WASF3: variants seen among roughly 807,000 people sequenced by gnomAD.
WASF3 encodes actin-binding protein WASF3.
In WASF3, 11 loss-of-function variants were observed where a neutral mutation model predicts 46.6. The ratio of observed to expected loss-of-function variants is 0.24; its 90% confidence interval spans 0.15 to 0.39. The LOEUF is 0.39. Among genes scored for constraint, WASF3 ranks in the 10% least tolerant of loss-of-function variants. The pLI, the probability that WASF3 is intolerant of heterozygous loss-of-function variation, is 1.00. For missense variants in WASF3, 576 were observed against 669.8 expected (o/e 0.86, Z 1.55); for synonymous variants, 242 against 259.7 (o/e 0.93, Z 0.65).
intron 3 of WASF3, among the ~76,000 whole-genome samples, chr13:26,661,797 G>A (rs1018651970): frequency 2.0e-5 from 3 of 151,134 alleles, no homozygotes; most frequent in Non-Finnish European, 3.0e-5. Flanking sequence ...TTTTTAAATA[G>A]TAGCATCCTA....
At chr13:26,660,609 G>A (rs1882602133) in intron 3 of WASF3, among the ~76,000 whole-genome samples, 1 of 152,122 alleles carries the variant, frequency 6.6e-6, no homozygotes, top group Admixed American at 6.5e-5. Context: ...GCTGCGAAGG[G>A]AGGAGAGTAA....
chr13:26,665,189 C>T, intron 4 of WASF3, 27 bp downstream of exon 4: 1 of 1,610,104 alleles, frequency 6.2e-7, no homozygotes, highest in Non-Finnish European at 8.5e-7. Context: ...AAGCAGTGAG[C>T]TAGAAGTGAT....
chr13:26,619,398 A>T (rs1309138143), intron 2 of WASF3: 1 of 152,182 alleles, frequency 6.6e-6, no homozygotes, highest in Non-Finnish European at 1.5e-5. Context: ...GAGGCTGGGT[A>T]TATATTCTAG....
rs761308925 is a variant in WASF3 at position 26,682,756 on chromosome 13, C to T, written c.1133C>T (p.Thr378Met). The T allele has an allele frequency of 9.9e-6, 16 of 1,613,162 alleles. No homozygotes were observed. The Admixed American group carries it at 1.0e-4, about 10-fold the overall frequency. Residue 378 changes from threonine (T) to methionine (M), a missense_variant, in exon 9 of 10, where the codon ACG becomes ATG. Coordinates refer to ENST00000335327, the MANE Select transcript of WASF3 (RefSeq NM_006646.6). The surrounding 1 kb of genome is among the most constrained non-coding windows in gnomAD (Gnocchi z 4.4). ...QPPFPASASS[T>M]HAAPPHPPST... ...CCGTTCCCTGCATCAGCCAGCTCCA[C>T]GCACGCAGCTCCTCCTCACCCACCC... is the stretch of plus-strand genomic sequence containing the variant.
At chr13:26,663,177 G>A (rs549679415) in intron 3 of WASF3, among the ~76,000 whole-genome samples, 59 of 152,274 alleles carry the variant, frequency 3.9e-4, no homozygotes, top group Middle Eastern at 3.4e-3. Context: ...CTTCATTTTG[G>A]ATGGTGGGTT....
At chr13:26,554,074 TC>T (rs1879033135), upstream of WASF3, among the ~76,000 whole-genome samples, 2 of 105,058 alleles carry the variant, frequency 1.9e-5, no homozygotes, top group Non-Finnish European at 1.9e-5. Context: ...CTTCCTTCCT[TC>T]CTTCCTTCCT....
chr13:26,622,208 G>C (rs1208019621), intron 2 of WASF3, among the ~76,000 whole-genome samples: 1 of 152,176 alleles, frequency 6.6e-6, no homozygotes. Context: ...ATAGAAGAGA[G>C]AATCATTAAC....
At chr13:26,647,018 T>C (rs1882170760) in intron 3 of WASF3, among the ~76,000 whole-genome samples, 1 of 152,178 alleles carries the variant, frequency 6.6e-6, no homozygotes, top group Non-Finnish European at 1.5e-5. Flanking sequence ...TCTGTAGGTT[T>C]TTAGCTCTGG....
chr13:26,554,390 G>A (rs571334737), upstream of WASF3, among the ~76,000 whole-genome samples: 25 of 151,858 alleles, frequency 1.6e-4, no homozygotes, highest in African/African-American at 4.6e-4. Flanking sequence ...CTTGGCCTCC[G>A]AAAGTGCTGG....
chr13:26,621,768 G>A (rs1881313529), intron 2 of WASF3, among the ~76,000 whole-genome samples: 1 of 152,144 alleles, frequency 6.6e-6, no homozygotes, highest in African/African-American at 2.4e-5. Context: ...AAGGCAGTGT[G>A]CGAAGTGAGG....
intron 1 of WASF3, among the ~76,000 whole-genome samples, chr13:26,572,538 T>A (rs890061859): frequency 1.3e-5 from 2 of 152,184 alleles, no homozygotes; most frequent in Admixed American, 1.3e-4. Context: ...TTACTAGATT[T>A]CCTAATCGGA....
intron 2 of WASF3, among the ~76,000 whole-genome samples, chr13:26,630,024 T>G (rs1881603389): frequency 6.6e-6 from 1 of 152,136 alleles, no homozygotes; most frequent in Non-Finnish European, 1.5e-5. Flanking sequence ...TTTTTGAGTC[T>G]CAGGGCATTT....
intron 6 of WASF3, among the ~76,000 whole-genome samples, chr13:26,674,432 C>T (rs536358427): frequency 6.6e-6 from 1 of 152,292 alleles, no homozygotes; most frequent in African/African-American, 2.4e-5. Context: ...TCAAAGTACA[C>T]ACCCAATACA....
chr13:26,675,959 C>A (rs191764733), intron 6 of WASF3, among the ~76,000 whole-genome samples: 4 of 152,258 alleles, frequency 2.6e-5, no homozygotes, highest in Admixed American at 6.5e-5. Flanking sequence ...TGTTTAAGAA[C>A]TAAGTATTTG....
chr13:26,556,910 C>T (rs1428883532), upstream of WASF3, among the ~76,000 whole-genome samples: 3 of 151,974 alleles, frequency 2.0e-5, no homozygotes, highest in Admixed American at 6.6e-5. Context: ...GTTTTTAAAC[C>T]CCTTTCCTTT....
At chr13:26,567,696 AT>A (rs1205228411) in intron 1 of WASF3, among the ~76,000 whole-genome samples, 2 of 115,752 alleles carry the variant, frequency 1.7e-5, no homozygotes, top group African/African-American at 3.7e-5. Flanking sequence ...AATAAACGAC[AT>A]TAAAAAAAAA....
upstream of WASF3, among the ~76,000 whole-genome samples, chr13:26,554,930 T>C (rs1230407656): frequency 6.6e-6 from 1 of 152,218 alleles, no homozygotes; most frequent in Non-Finnish European, 1.5e-5. Context: ...ATTGTGAGAC[T>C]ATGCTTAGCT....
chr13:26,658,948 A>T (rs1448141667), intron 3 of WASF3, among the ~76,000 whole-genome samples: 1 of 152,238 alleles, frequency 6.6e-6, no homozygotes. Context: ...TGCTCTAGAC[A>T]TTGGAGACTG....
chr13:26,539,270 G>C, the WASF3 span, among the ~76,000 whole-genome samples: 1 of 152,160 alleles, frequency 6.6e-6, no homozygotes, highest in East Asian at 1.9e-4. Flanking sequence ...GGTTGACCAA[G>C]TGGTAGCTGA....
Sources: gnomAD v4.1 joint callset for allele counts (sites outside exome capture counted in the v4.1 genomes callset) on GRCh38, gnomAD v4.1.1 for gene constraint, Gnocchi (gnomAD v3.1) non-coding constraint, MANE v1.5 for transcripts, NCBI Gene and HGNC (gene_info 2026-07-23, HGNC 2026-07-21) for gene names.